Variants in KIF26B observed in about 807,000 individuals in gnomAD.
The protein encoded by KIF26B is kinesin family member 26B.
In KIF26B, 63 loss-of-function variants were observed where a neutral mutation model predicts 151.2. The ratio of observed to expected loss-of-function variants is 0.42; its 90% CI spans 0.34 to 0.51. The LOEUF is 0.51. KIF26B is among the 20% of genes least tolerant of loss of function. The pLI, the probability that KIF26B is intolerant of heterozygous loss-of-function variation, is 0.07. For missense variants in KIF26B, 2,813 were observed against 2,913.6 expected (o/e 0.97, Z 0.79); for synonymous variants, 1,357 against 1,262.1 (o/e 1.08, Z -1.59).
intron 4 of KIF26B, among the ~76,000 whole-genome samples, chr1:245,471,123 G>GTATATATATATATATATATATATATA (rs200717016): frequency 5.4e-4 from 76 of 139,640 alleles, no homozygotes; most frequent in African/African-American, 1.9e-3. Flanking sequence ...GTATGTGTGT[G>GTATATATATATATATATATATATATA]TGTGTGTGTA....
At chr1:245,277,453 T>G (rs1210159414) in intron 2 of KIF26B, among the ~76,000 whole-genome samples, 1 of 152,224 alleles carries the variant, frequency 6.6e-6, no homozygotes, top group African/African-American at 2.4e-5. Context: ...GCCCTGGGGC[T>G]TCCTGAAGGT....
At chr1:245,312,451 T>G (rs1671681880) in intron 2 of KIF26B, among the ~76,000 whole-genome samples, 1 of 152,192 alleles carries the variant, frequency 6.6e-6, no homozygotes, top group Non-Finnish European at 1.5e-5. Context: ...GCCTCTCTTT[T>G]TGTGTGTATG....
intron 9 of KIF26B, among the ~76,000 whole-genome samples, chr1:245,619,621 A>G (rs1386719125): frequency 2.0e-5 from 3 of 150,610 alleles, no homozygotes; most frequent in Non-Finnish European, 4.4e-5. Context: ...AAAAAAAAAA[A>G]AGAATCTCTG....
chr1:245,421,000 G>C (rs1756911), intron 4 of KIF26B, among the ~76,000 whole-genome samples: 5,689 of 152,200 alleles, frequency 0.037, 351 homozygotes, highest in African/African-American at 0.13. Context: ...GTTTATTGTC[G>C]TATGAACACT....
chr1:245,265,989 A>G (rs528173138), intron 2 of KIF26B, among the ~76,000 whole-genome samples: 10 of 152,364 alleles, frequency 6.6e-5, no homozygotes, highest in African/African-American at 2.4e-4. Flanking sequence ...TAAACAAAGA[A>G]TATCAGTTTA....
chr1:245,661,412 G>T (rs1339416299), intron 10 of KIF26B, among the ~76,000 whole-genome samples: 1 of 151,972 alleles, frequency 6.6e-6, no homozygotes, highest in Admixed American at 6.6e-5. Flanking sequence ...ACAGCCTAGG[G>T]CTGCTTTGAT....
chr1:245,473,791 G>A (rs374015243), intron 4 of KIF26B, among the ~76,000 whole-genome samples: 36 of 151,842 alleles, frequency 2.4e-4, no homozygotes, highest in Non-Finnish European at 4.1e-4. Context: ...AGGAGGGGCC[G>A]GGGTTGCCCA....
In KIF26B at chr1:245,686,367, G is replaced by A. The variant is rs566590110; in HGVS notation, c.3384G>A (p.Pro1128=). 73 of 1,613,390 alleles carry A rather than the reference G, an allele frequency of 4.5e-5. No homozygotes were observed. Among genetic ancestry groups the A allele is most frequent in the Middle Eastern group, 1.6e-4 (1 of 6,062 alleles). ...SLLQPEVRTP[P]VGMSPQVLKK... ...TGCAGCCCGAGGTGCGTACGCCCCC[G>A]GTTGGAATGAGCCCCCAGGTTTTGA... Residue 1128 remains proline (P), a synonymous_variant, in exon 12 of 15, where the codon CCG becomes CCA. Coordinates refer to ENST00000407071, the MANE Select transcript of KIF26B (RefSeq NM_018012.4). The surrounding 1 kb of genome is among the most constrained non-coding windows in gnomAD (Gnocchi z 5.6).
chr1:245,543,277 G>C (rs1166732034), intron 5 of KIF26B, among the ~76,000 whole-genome samples: 1 of 152,134 alleles, frequency 6.6e-6, no homozygotes, highest in Admixed American at 6.5e-5. Flanking sequence ...TAGTTTAGAG[G>C]GCAAAGGACA....
intron 2 of KIF26B, among the ~76,000 whole-genome samples, chr1:245,172,845 C>A (rs754481384): frequency 8.5e-5 from 13 of 152,056 alleles, no homozygotes; most frequent in Non-Finnish European, 1.2e-4. Context: ...AAGAGGGTGG[C>A]CCACCACATC....
chr1:245,223,877 C>T (rs1669822906), intron 2 of KIF26B, among the ~76,000 whole-genome samples: 1 of 152,204 alleles, frequency 6.6e-6, no homozygotes, highest in Admixed American at 6.5e-5. Context: ...GTGTGTTCTT[C>T]ATCACCACCA....
chr1:245,611,998 C>G, intron 9 of KIF26B, 22 bp downstream of exon 9: 9 of 1,608,094 alleles, frequency 5.6e-6, no homozygotes, highest in Non-Finnish European at 7.7e-6. Flanking sequence ...ACTCCACCCT[C>G]CTGCCTCCTT....
intron 2 of KIF26B, among the ~76,000 whole-genome samples, chr1:245,175,638 A>G (rs1668789814): frequency 6.6e-6 from 1 of 152,178 alleles, no homozygotes. Flanking sequence ...GAGAAGATGC[A>G]GTTTTGTGGC....
intron 5 of KIF26B, among the ~76,000 whole-genome samples, chr1:245,589,783 G>C (rs926009060): frequency 2.6e-5 from 4 of 152,200 alleles, no homozygotes; most frequent in African/African-American, 9.7e-5. Context: ...GGACGTTACT[G>C]ATCTAGGTGA....
intron 5 of KIF26B, among the ~76,000 whole-genome samples, chr1:245,552,655 C>G (rs1382382721): frequency 6.7e-6 from 1 of 150,278 alleles, no homozygotes; most frequent in Non-Finnish European, 1.5e-5. Context: ...CTCTGTCGCC[C>G]AGGCTGGAGT....
intron 2 of KIF26B, among the ~76,000 whole-genome samples, chr1:245,301,429 T>G (rs1256666826): frequency 6.6e-6 from 1 of 152,202 alleles, no homozygotes; most frequent in Admixed American, 6.5e-5. Flanking sequence ...GTTTTGGAGA[T>G]ATTCCTGGCG....
Position 245,468,615 on chromosome 1 carries a change from A to T in KIF26B, c.1166+48870A>T, listed in dbSNP as rs572729428. On this transcript the variant is annotated intron_variant, in intron 4 of 14. Transcript: ENST00000407071. ...AGAAAGCCTTTGCTGAGAAGAAGGG[A>T]GCTGTTAGCCAAAAGAGGGAATTTG... Among the ~76,000 whole-genome samples the T allele has an allele frequency of 2.0e-5, 3 of 152,306 alleles. No homozygotes were observed. In the South Asian group the frequency reaches 6.2e-4, roughly 32 times the overall value.
At position 245,602,465 on chromosome 1, in the gene KIF26B, T is replaced by G; in HGVS notation, c.1351-112T>G. On this transcript the variant is annotated intron_variant, in intron 5 of 14. Coordinates refer to ENST00000407071, the MANE Select transcript of KIF26B (RefSeq NM_018012.4). This position sits in a 1 kb window ranked among gnomAD's most constrained non-coding sequence, Gnocchi z 4.5. ...CTGTGCATTTCATCATAATTTATCC[T>G]GAGAAAGTTCAGTGCTGCCATGTGC... 1 of 785,686 alleles carries G rather than the reference T, an allele frequency of 1.3e-6. No homozygotes were observed. The highest frequency in any genetic ancestry group is 2.1e-6 in the Non-Finnish European group (1 of 476,348). The allele number at this position is 785,686 out of a possible 1,614,324, so 48.7% of individuals were successfully genotyped here. A position where few individuals can be genotyped will look rare whatever the true frequency, so the allele number is the denominator to read the frequency against.
chr1:245,484,785 T>C (rs1271903437), intron 4 of KIF26B, among the ~76,000 whole-genome samples: 2 of 150,430 alleles, frequency 1.3e-5, no homozygotes, highest in Non-Finnish European at 3.0e-5. Context: ...ATTATTATTA[T>C]TATTATTATT....
Sources: gnomAD v4.1 joint callset for allele counts (sites outside exome capture counted in the v4.1 genomes callset) on GRCh38, gnomAD v4.1.1 for gene constraint, Gnocchi (gnomAD v3.1) non-coding constraint, MANE v1.5 for transcripts, NCBI Gene and HGNC (gene_info 2026-07-23, HGNC 2026-07-21) for gene names.